NCOA2: variants seen among roughly 807,000 people sequenced by gnomAD.
NCOA2 encodes the protein class E basic helix-loop-helix protein 75.
NCOA2 carries 21 observed loss-of-function variants against 145.1 expected under a neutral mutation model. The observed-to-expected ratio is 0.14, with a 90% CI of 0.10 to 0.21. The LOEUF is 0.21. NCOA2 is among the 10% of genes least tolerant of loss of function. The probability of loss-of-function intolerance (pLI) is 1.00; values close to 1 mark genes in which losing one functional copy is unlikely to be tolerated. For synonymous variants in NCOA2, 619 were observed against 637.5 expected, an observed-to-expected ratio of 0.97 and a Z score of 0.44; for missense variants, 1,472 against 1,837.6, an observed-to-expected ratio of 0.80 and a Z score of 3.64.
intron 14 of NCOA2, among the ~76,000 whole-genome samples, chr8:70,139,774 T>G (rs1246974961): frequency 6.9e-6 from 1 of 145,072 alleles, no homozygotes; most frequent in East Asian, 2.2e-4. Context: ...TACCGCAACC[T>G]CCTGAGTAGC....
Position 70,141,235 on chromosome 8 carries a change from T to G in NCOA2, c.2977A>C (p.Ser993Arg). 1 of 1,613,914 alleles carries G rather than the reference T, an allele frequency of 6.2e-7. No individual in the cohort carries two copies. ...GTCTGTCTTTGGCCAGGCTGGCTGC[T>G]GGGCCTCATGGGGATGCTGGCTGCT... ...NPAASIPMRP[S>R]SQPGQRQTLQ... The change falls in exon 14 of 23, where the codon AGC becomes CGC. Residue 993 changes from serine (S) to arginine (R), a missense_variant. Physicochemically the swap from Ser to Arg is moderately radical, Grantham distance 110. This residue lies in a region of NCOA2 where 953 missense variants were observed against 1,062.1 expected (regional missense o/e 0.90). Coordinates refer to ENST00000452400, the MANE Select transcript of NCOA2 (RefSeq NM_006540.4).
intron 2 of NCOA2, among the ~76,000 whole-genome samples, chr8:70,246,881 C>T (rs1822676751): frequency 2.0e-5 from 3 of 152,218 alleles, no homozygotes; most frequent in Middle Eastern, 6.8e-3. Context: ...GTTTTCATTT[C>T]ACAAAATCAT....
intron 1 of NCOA2, among the ~76,000 whole-genome samples, chr8:70,297,228 TAAAG>T (rs148691995): frequency 0.04 from 6,155 of 152,216 alleles, 397 homozygotes; most frequent in African/African-American, 0.14. Flanking sequence ...GCTGAATAAA[TAAAG>T]AAAGTTCCCA....
chr8:70,282,649 T>C (rs1314431124), intron 2 of NCOA2, among the ~76,000 whole-genome samples: 4 of 151,020 alleles, frequency 2.6e-5, no homozygotes, highest in African/African-American at 2.4e-5. Context: ...GATCGTGCCA[T>C]TGTACTCCAG....
the NCOA2 span, among the ~76,000 whole-genome samples, chr8:70,410,008 G>A: frequency 2.0e-4 from 30 of 152,146 alleles, no homozygotes; most frequent in Middle Eastern, 6.8e-3. Context: ...TCAGCAGTTC[G>A]AGACCAGCCT....
the NCOA2 span, among the ~76,000 whole-genome samples, chr8:70,449,910 A>T: frequency 6.6e-6 from 1 of 152,266 alleles, no homozygotes; most frequent in African/African-American, 2.4e-5. Flanking sequence ...CGGTTGGGAC[A>T]GTATGAAATG....
the NCOA2 span, among the ~76,000 whole-genome samples, chr8:70,432,940 G>A: frequency 6.6e-6 from 1 of 152,008 alleles, no homozygotes; most frequent in African/African-American, 2.4e-5. Flanking sequence ...GAATTCTATT[G>A]TTTATATATT....
chr8:70,142,689 ACT>A (rs1276615133), intron 13 of NCOA2, among the ~76,000 whole-genome samples: 1 of 152,072 alleles, frequency 6.6e-6, no homozygotes, highest in East Asian at 1.9e-4. Context: ...ACAAAGTAAG[ACT>A]CTGTCTCAAA....
chr8:70,213,881 A>C, intron 4 of NCOA2, 22 bp downstream of exon 4: 1 of 1,546,992 alleles, frequency 6.5e-7, no homozygotes, highest in African/African-American at 1.4e-5. Flanking sequence ...AACTCTTCAA[A>C]ATACTAATTC....
rs143910455 is a variant in NCOA2 at position 70,296,733 on chromosome 8, C to T, written c.-20+11G>A. 9.7e-4 allele frequency: 148 copies of T among 152,182 alleles called. No homozygotes were observed. Among genetic ancestry groups the T allele is most frequent in the African/African-American group, 3.2e-3 (131 of 41,534 alleles). The allele number at this position is 152,182 out of a possible 1,614,324, so 9.4% of individuals were successfully genotyped here. A position where few individuals can be genotyped will look rare whatever the true frequency, so the allele number is the denominator to read the frequency against. ...AAAGTATCCAATATGAAGAATTCAA[C>T]GTTAACTCACCTGTGCCTGTAAACA... is the stretch of plus-strand genomic sequence containing the variant. On this transcript the variant is annotated intron_variant, in intron 2 of 22. Coordinates refer to ENST00000452400, the MANE Select transcript of NCOA2 (RefSeq NM_006540.4).
intron 11 of NCOA2, among the ~76,000 whole-genome samples, chr8:70,152,506 A>T (rs951396120): frequency 6.6e-6 from 1 of 152,230 alleles, no homozygotes; most frequent in African/African-American, 2.4e-5. Flanking sequence ...TTTCTAATGG[A>T]GTCAAATACC....
rs1806734809 is a variant in NCOA2 at position 70,113,526 on chromosome 8, G to A, written c.*106C>T. 5.3e-6 allele frequency: 7 copies of A among 1,325,164 alleles called. No homozygotes were observed. The highest frequency in any genetic ancestry group is 1.8e-4 in the Middle Eastern group (1 of 5,532). 82.1% of individuals were successfully genotyped at this position (1,325,164 alleles called of 1,614,324 possible). The stretch of plus-strand genomic sequence containing the variant: ...AGGCCTGTCTGCTCTAGCAGAACCG[G>A]CTGGCAGGTCAGTTGGGTTGAAACA... On this transcript the variant is annotated 3_prime_UTR_variant, in exon 23 of 23. Coordinates refer to ENST00000452400, the MANE Select transcript of NCOA2 (RefSeq NM_006540.4).
At chr8:70,282,785 A>AT (rs1336664745) in intron 2 of NCOA2, among the ~76,000 whole-genome samples, 1 of 152,102 alleles carries the variant, frequency 6.6e-6, no homozygotes, top group Non-Finnish European at 1.5e-5. Context: ...AATATTGCTA[A>AT]TAAGAGAGTC....
intron 2 of NCOA2, among the ~76,000 whole-genome samples, chr8:70,252,904 G>A (rs1410948183): frequency 6.6e-6 from 1 of 152,174 alleles, no homozygotes; most frequent in African/African-American, 2.4e-5. Context: ...AAGGTGCTAG[G>A]GAACATGTGT....
chr8:70,148,614 C>T lies in NCOA2; in HGVS notation c.2395-131G>A. 5.7e-6 allele frequency: 4 copies of T among 697,456 alleles called. No individual in the cohort carries two copies. In the South Asian group the frequency reaches 7.6e-5, roughly 13 times the overall value. 43.2% of individuals were successfully genotyped at this position (697,456 alleles called of 1,614,324 possible). A position where few individuals can be genotyped will look rare whatever the true frequency, so the allele number is the denominator to read the frequency against. On this transcript the variant is annotated intron_variant, in intron 11 of 22. Coordinates refer to ENST00000452400, the MANE Select transcript of NCOA2 (RefSeq NM_006540.4). ...AAAATAGGTAGATTCCTGCATACCACAGGCCTAACAGATAATTGATCATCT... is the reference window on the plus strand; with the variant it reads ...AAAATAGGTAGATTCCTGCATACCATAGGCCTAACAGATAATTGATCATCT...
chr8:70,425,815 C>A, the NCOA2 span, among the ~76,000 whole-genome samples: 1 of 152,126 alleles, frequency 6.6e-6, no homozygotes, highest in Admixed American at 6.5e-5. Flanking sequence ...CTGCACTGCC[C>A]ATGCCTGGTG....
intron 2 of NCOA2, among the ~76,000 whole-genome samples, chr8:70,221,413 T>C (rs1388929417): frequency 1.3e-5 from 2 of 152,186 alleles, no homozygotes; most frequent in Non-Finnish European, 2.9e-5. Context: ...CAAAGTACAC[T>C]GTGTTCCAAG....
rs138202958 is a variant in NCOA2 at position 70,376,506 on chromosome 8, A to C, written c.-77+27194T>G. Among the ~76,000 whole-genome samples the C allele has an allele frequency of 1.1e-3, 161 of 152,304 alleles. 1 individual carries two copies. The highest frequency in any genetic ancestry group is 3.6e-3 in the African/African-American group (151 of 41,546). ...TTTTAAGCTGGTTATAATCCACTAA[A>C]GTGATTCAGGACACACTAGTTGATT... On this transcript the variant is annotated intron_variant, in intron 1 of 22. Coordinates refer to ENST00000452400, the MANE Select transcript of NCOA2 (RefSeq NM_006540.4).
At chr8:70,131,813 C>A in intron 16 of NCOA2, 24 bp downstream of exon 16, 1 of 1,569,174 alleles carries the variant, frequency 6.4e-7, no homozygotes, top group Non-Finnish European at 8.6e-7. Flanking sequence ...GCTTGGCCCC[C>A]ACCTGCTGCC....
Sources: gnomAD v4.1 joint callset for allele counts (sites outside exome capture counted in the v4.1 genomes callset) on GRCh38, gnomAD v4.1.1 for gene constraint, gnomAD v4.1.1 regional missense constraint, MANE v1.5 for transcripts, NCBI Gene and HGNC (gene_info 2026-07-23, HGNC 2026-07-21) for gene names.